The following LMAN2L variants were observed in gnomAD, a reference collection of about 807,000 sequenced individuals.
LMAN2L encodes lectin, mannose binding 2 like.
In LMAN2L, 30 loss-of-function variants were observed where a neutral mutation model predicts 44.3. The observed-to-expected ratio is 0.68, with a 90% CI of 0.51 to 0.92. The LOEUF (loss-of-function observed/expected upper bound fraction) is 0.92, where lower values mean the gene tolerates loss of function less well. Ranked by LOEUF, LMAN2L falls within the 40% of genes least tolerant of loss-of-function variation. The pLI is 0.00. For missense variants in LMAN2L, 429 were observed against 446.1 expected (o/e 0.96, Z 0.35); for synonymous variants, 183 against 171.1 (o/e 1.07, Z -0.54).
chr2:96,713,574 G>C (rs140474084), intron 4 of LMAN2L, among the ~76,000 whole-genome samples: 10 of 152,186 alleles, frequency 6.6e-5, no homozygotes, highest in African/African-American at 2.4e-4. Context: ...AGGGGAAAGA[G>C]GAGACAACAG....
At position 96,739,980 on chromosome 2, in the gene LMAN2L, G is replaced by C. The variant is rs1161827420; in HGVS notation, c.61C>G (p.Arg21Gly). ...WQQWRRCLSA[R>G]DGSRMLLLLL... ...AGGAGTAACATCCTGGACCCATCCC[G>C]AGCCGACAAACATCGCCGCCACTGC... Residue 21 changes from arginine to glycine, a missense_variant, in exon 1 of 8, where the codon CGG becomes GGG. By Grantham distance (125) the Arg-to-Gly change is moderately radical (BLOSUM62 -2). Transcript: ENST00000264963. 1 of 1,613,676 alleles carries C rather than the reference G, an allele frequency of 6.2e-7. No homozygotes were observed.
chr2:96,719,679 T>C (rs2078111187), intron 4 of LMAN2L, among the ~76,000 whole-genome samples: 1 of 152,054 alleles, frequency 6.6e-6, no homozygotes, highest in African/African-American at 2.4e-5. Flanking sequence ...CACTGCAACC[T>C]CCGCCTCCCA....
chr2:96,734,957 A>G (rs1233107537), intron 2 of LMAN2L, among the ~76,000 whole-genome samples: 1 of 152,242 alleles, frequency 6.6e-6, no homozygotes, highest in Non-Finnish European at 1.5e-5. Context: ...AAGAAAGGTC[A>G]AAGCCTAATT....
intron 6 of LMAN2L, 83 bp from the exon 7 acceptor site, chr2:96,707,916 C>CTG (rs2077821560): frequency 1.4e-6 from 2 of 1,416,624 alleles, no homozygotes; most frequent in Non-Finnish European, 2.0e-6. Context: ...GTTCAAGCCT[C>CTG]TGATCCACAG....
At chr2:96,717,766 G>T (rs1020534982) in intron 4 of LMAN2L, among the ~76,000 whole-genome samples, 4 of 151,006 alleles carry the variant, frequency 2.6e-5, no homozygotes, top group Middle Eastern at 3.4e-3. Context: ...TTGAACCCAG[G>T]AGGCAGAGGC....
chr2:96,728,513 A>AAG (rs1269202312), intron 4 of LMAN2L, among the ~76,000 whole-genome samples: 3 of 149,294 alleles, frequency 2.0e-5, no homozygotes, highest in Non-Finnish European at 4.5e-5. Context: ...CTCAAAAAAA[A>AAG]AAAAAAAAAG....
At chr2:96,721,346 T>G (rs1196506917) in intron 4 of LMAN2L, among the ~76,000 whole-genome samples, 2 of 149,260 alleles carry the variant, frequency 1.3e-5, no homozygotes, top group Non-Finnish European at 3.0e-5. Flanking sequence ...TTTTTTTTTT[T>G]TTTTGAGACA....
chr2:96,737,884 T>C, intron 2 of LMAN2L, 65 bp downstream of exon 2: 2 of 887,208 alleles, frequency 2.3e-6, no homozygotes, highest in Non-Finnish European at 3.8e-6. Flanking sequence ...ATTAAATCAG[T>C]ATGCCACTGC....
chr2:96,728,959 T>G (rs2078333967), intron 4 of LMAN2L, among the ~76,000 whole-genome samples: 2 of 151,842 alleles, frequency 1.3e-5, no homozygotes, highest in South Asian at 4.2e-4. Flanking sequence ...GATCACGAGG[T>G]CAGGAGATCA....
intron 4 of LMAN2L, among the ~76,000 whole-genome samples, chr2:96,713,657 C>A (rs894836156): frequency 6.6e-6 from 1 of 152,142 alleles, no homozygotes; most frequent in Non-Finnish European, 1.5e-5. Context: ...CCCAGAAGAC[C>A]AAAATCTTGC....
At chr2:96,720,062 T>C (rs551845139) in intron 4 of LMAN2L, among the ~76,000 whole-genome samples, 5 of 152,270 alleles carry the variant, frequency 3.3e-5, no homozygotes, top group African/African-American at 1.2e-4. Flanking sequence ...GAAATGTTTT[T>C]TTAACTGGAT....
rs761666242 is a variant in LMAN2L, at chr2:96,711,919, C to A, written c.614G>T (p.Arg205Leu). 22 of 1,614,066 alleles carry A rather than the reference C, an allele frequency of 1.4e-5. No homozygotes were observed. The highest frequency in any genetic ancestry group is 8.8e-5 in the South Asian group (8 of 91,088). Reference sequence around the variant, plus strand: ...CAGGAAGGTGTCGTAATGAAGATTGCGGACAATGGCTGTGCAGCCTCCCAG... The same window carrying A: ...CAGGAAGGTGTCGTAATGAAGATTGAGGACAATGGCTGTGCAGCCTCCCAG... ...TELGGCTAIV[R>L]NLHYDTFLVI... The change falls in exon 5 of 8, where the codon CGC (arginine) becomes CTC (leucine). Residue 205 changes from arginine to leucine, a missense_variant. Arg to Leu is a moderately radical substitution (Grantham distance 102). Coordinates refer to ENST00000264963, the MANE Select transcript of LMAN2L (RefSeq NM_030805.4).
intron 4 of LMAN2L, among the ~76,000 whole-genome samples, chr2:96,728,596 A>T (rs1213493174): frequency 6.6e-6 from 1 of 151,804 alleles, no homozygotes; most frequent in Non-Finnish European, 1.5e-5. Flanking sequence ...TAATCCTAGC[A>T]GTTTGGGAGG....
intron 4 of LMAN2L, among the ~76,000 whole-genome samples, chr2:96,725,956 AC>A (rs950960666): frequency 1.7e-4 from 26 of 150,896 alleles, no homozygotes; most frequent in African/African-American, 6.1e-4. Flanking sequence ...ACATGGTGAA[AC>A]CCCATCTCTA....
At chr2:96,712,773 T>C (rs1406352875) in intron 4 of LMAN2L, among the ~76,000 whole-genome samples, 1 of 152,208 alleles carries the variant, frequency 6.6e-6, no homozygotes, top group East Asian at 1.9e-4. Context: ...AAGCCACTCA[T>C]TTTCCCATCT....
chr2:96,737,014 T>TA (rs949269901), intron 2 of LMAN2L: 3 of 356,336 alleles, frequency 8.4e-6, no homozygotes, highest in Non-Finnish European at 1.6e-5. Flanking sequence ...CGTAAAAAAG[T>TA]AAGTTCTTAG....
At chr2:96,711,823 A>C in intron 5 of LMAN2L, 41 bp downstream of exon 5, 1 of 1,613,258 alleles carries the variant, frequency 6.2e-7, no homozygotes, top group Non-Finnish European at 8.5e-7. Context: ...CAAGAGCGAC[A>C]CAGCCCACAC....
chr2:96,710,146 G>A (rs2077881137), intron 6 of LMAN2L, among the ~76,000 whole-genome samples: 1 of 152,198 alleles, frequency 6.6e-6, no homozygotes, highest in Non-Finnish European at 1.5e-5. Context: ...ATCAATGGTT[G>A]CCTGGAATCC....
At position 96,733,564 on chromosome 2, in the gene LMAN2L, C is replaced by T; in HGVS notation, c.462G>A (p.Leu154=). 1 of 1,613,992 alleles carries T rather than the reference C, an allele frequency of 6.2e-7. No homozygotes were observed. The highest frequency in any genetic ancestry group is 8.5e-7 in the Non-Finnish European group (1 of 1,179,930). The part of the protein sequence containing the change: ...VFGNMDKFVG[L]GVFVDTYPNE... ...TGGGGTAGGTGTCTACAAATACTCCCAGCCCCACAAATTTGTCCATGTTTC... is the reference window on the plus strand; with the variant it reads ...TGGGGTAGGTGTCTACAAATACTCCTAGCCCCACAAATTTGTCCATGTTTC... The change falls in exon 4 of 8, where the codon CTG becomes CTA. Residue 154 remains leucine (L), a synonymous_variant. Coordinates refer to ENST00000264963, the MANE Select transcript of LMAN2L (RefSeq NM_030805.4).
Sources: allele counts gnomAD v4.1 joint callset (sites outside exome capture counted in the v4.1 genomes callset), GRCh38; gene constraint gnomAD v4.1.1; transcripts MANE v1.5; gene names NCBI Gene and HGNC (gene_info 2026-07-23, HGNC 2026-07-21).